The following BLTP1 variants were observed in gnomAD, a reference collection of about 807,000 sequenced individuals.
The protein encoded by BLTP1 is bridge-like lipid transfer protein family member 1.
At chr4:122,168,737 T>C in the BLTP1 span, among the ~76,000 whole-genome samples, 4 of 152,274 alleles carry the variant, frequency 2.6e-5, no homozygotes, top group South Asian at 8.3e-4. Context: ...AAAGGATTAT[T>C]GTAAACTGAA....
At chr4:122,230,316 A>G in the BLTP1 span, 2 of 931,256 alleles carry the variant, frequency 2.1e-6, no homozygotes, top group South Asian at 3.2e-5. Context: ...AATATTTTAA[A>G]TAAAGACCTA....
the BLTP1 span, chr4:122,215,410 A>G: frequency 1.0e-6 from 1 of 985,242 alleles, no homozygotes; most frequent in African/African-American, 1.7e-5. Flanking sequence ...ACTTAAAATG[A>G]GTGCTGGTAA....
the BLTP1 span, chr4:122,184,947 G>A: frequency 1.0e-6 from 1 of 984,010 alleles, no homozygotes; most frequent in Non-Finnish European, 1.2e-6. Flanking sequence ...CCAAATACTA[G>A]CCCATTTACG....
chr4:122,345,893 C>A, the BLTP1 span: 1 of 240,218 alleles, frequency 4.2e-6, no homozygotes, highest in Non-Finnish European at 6.7e-6. Flanking sequence ...GTATTAGGGG[C>A]AACAGAGGAG....
chr4:122,293,545 C>T, the BLTP1 span, among the ~76,000 whole-genome samples: 1 of 151,842 alleles, frequency 6.6e-6, no homozygotes, highest in East Asian at 1.9e-4. Flanking sequence ...CTTGTGAGTC[C>T]TACCACCAGG....
chr4:122,219,563 C>T, the BLTP1 span: 1 of 1,611,978 alleles, frequency 6.2e-7, no homozygotes. Context: ...GGGCGTCTTC[C>T]TGTTGTAAGT....
chr4:122,189,278 G>A, the BLTP1 span: 1 of 970,344 alleles, frequency 1.0e-6, no homozygotes, highest in Non-Finnish European at 1.2e-6. Flanking sequence ...TAATGATTGA[G>A]AAGTTAATTT....
At chr4:122,272,013 A>G in the BLTP1 span, 1 of 1,068,700 alleles carries the variant, frequency 9.4e-7, no homozygotes, top group African/African-American at 1.6e-5. Flanking sequence ...AAAAATGTTG[A>G]AGAAATTTTT....
the BLTP1 span, among the ~76,000 whole-genome samples, chr4:122,215,974 G>T: frequency 1.4e-4 from 21 of 152,046 alleles, no homozygotes; most frequent in East Asian, 4.1e-3. Context: ...TTAGAATAAT[G>T]GTCTCCAATT....
chr4:122,184,217 A>G, the BLTP1 span, among the ~76,000 whole-genome samples: 1 of 152,206 alleles, frequency 6.6e-6, no homozygotes, highest in African/African-American at 2.4e-5. Flanking sequence ...AATGTGTCAA[A>G]AGCCAAGACT....
chr4:122,213,466 CTTG>C, the BLTP1 span, among the ~76,000 whole-genome samples: 1 of 151,436 alleles, frequency 6.6e-6, no homozygotes, highest in African/African-American at 2.4e-5. Flanking sequence ...ATGAAATTTT[CTTG>C]TTCATGTATT....
chr4:122,244,919 G>T, the BLTP1 span: 1 of 1,367,642 alleles, frequency 7.3e-7, no homozygotes, highest in East Asian at 2.4e-5. Context: ...AGCAATTGTT[G>T]TACATATTCA....
the BLTP1 span, chr4:122,266,979 T>C: frequency 1.5e-6 from 2 of 1,358,106 alleles, no homozygotes; most frequent in Admixed American, 2.2e-5. Context: ...CATTTTTGTG[T>C]ATAATTTTGT....
the BLTP1 span, chr4:122,309,556 C>A: frequency 2.4e-6 from 3 of 1,265,444 alleles, no homozygotes; most frequent in Non-Finnish European, 3.3e-6. Flanking sequence ...TTAGATATAG[C>A]AAATGTTTTT....
At chr4:122,247,777 A>G in the BLTP1 span, 2 of 1,001,282 alleles carry the variant, frequency 2.0e-6, no homozygotes, top group Non-Finnish European at 2.4e-6. Flanking sequence ...TGTAAAATAC[A>G]GCAGCAATAA....
At chr4:122,325,168 T>C in the BLTP1 span, 69 of 1,475,166 alleles carry the variant, frequency 4.7e-5, no homozygotes, top group South Asian at 8.7e-4. Flanking sequence ...CAGACTTTTA[T>C]AAAGTCCAGG....
At chr4:122,289,827 A>C in the BLTP1 span, 1 of 975,266 alleles carries the variant, frequency 1.0e-6, no homozygotes, top group South Asian at 4.7e-5. Flanking sequence ...TCATTTAACA[A>C]ATTTATGAAG....
the BLTP1 span, chr4:122,229,357 T>C: frequency 1.3e-6 from 1 of 774,948 alleles, no homozygotes; most frequent in Non-Finnish European, 1.9e-6. Context: ...CACAAAATTT[T>C]AGGAGAAAAC....
chr4:122,299,750 A>G, the BLTP1 span: 3 of 945,708 alleles, frequency 3.2e-6, no homozygotes, highest in East Asian at 3.5e-4. Context: ...ACATACATAT[A>G]TGTATGTATG....
Sources: allele counts gnomAD v4.1 joint callset (sites outside exome capture counted in the v4.1 genomes callset), GRCh38; gene constraint gnomAD v4.1.1; transcripts MANE v1.5; gene names NCBI Gene and HGNC (gene_info 2026-07-23, HGNC 2026-07-21).